The following FAAH2 variants were observed in gnomAD, a reference collection of about 807,000 sequenced individuals.
The protein encoded by FAAH2 is fatty-acid amide hydrolase 2.
Under a neutral mutation model 36.9 loss-of-function variants are expected in FAAH2, and 60 were observed. The ratio of observed to expected loss-of-function variants is 1.63; its 90% confidence interval spans 1.32 to 2.02. The LOEUF (loss-of-function observed/expected upper bound fraction) is 2.02. Among genes scored for constraint, FAAH2 ranks in the 30% most tolerant of loss-of-function variants. FAAH2 has a pLI of 0.00. For missense variants in FAAH2, 689 were observed against 397.5 expected (o/e 1.73, Z -6.23); for synonymous variants, 214 against 143.8 (o/e 1.49, Z -3.49).
chrX:57,304,783 TA>T (rs1464226882), intron 2 of FAAH2, among the ~76,000 whole-genome samples: 1 of 111,796 alleles, frequency 8.9e-6, no homozygotes, highest in African/African-American at 3.2e-5. Flanking sequence ...AACCTCTCTT[TA>T]TCTCAGTTTC....
intron 5 of FAAH2, among the ~76,000 whole-genome samples, chrX:57,353,628 C>G (rs2054087362): frequency 1.8e-5 from 2 of 110,024 alleles, no homozygotes; most frequent in South Asian, 3.8e-4. Flanking sequence ...AAATTTAAAA[C>G]CTTTTGCCTA....
At chrX:57,418,709 G>GTA (rs35893249) in intron 7 of FAAH2, among the ~76,000 whole-genome samples, 125 of 105,301 alleles carry the variant, frequency 1.2e-3, no homozygotes, top group African/African-American at 4.0e-3. Context: ...TTCTTTCAAA[G>GTA]TATATATATA....
the FAAH2 span, among the ~76,000 whole-genome samples, chrX:57,224,352 TC>T: frequency 8.9e-6 from 1 of 111,877 alleles, no homozygotes; most frequent in Non-Finnish European, 1.9e-5. Flanking sequence ...ATTTTCTTTT[TC>T]CAAGATGTCC....
At chrX:57,428,377 G>A (rs1043862271) in intron 7 of FAAH2, among the ~76,000 whole-genome samples, 1 of 65,282 alleles carries the variant, frequency 1.5e-5, no homozygotes, top group Non-Finnish European at 4.5e-5. Flanking sequence ...ATTTTGCACA[G>A]AATTAGAAAA....
At chrX:57,301,779 A>C (rs1251025234) in intron 2 of FAAH2, among the ~76,000 whole-genome samples, 1 of 110,990 alleles carries the variant, frequency 9.0e-6, no homozygotes, top group Non-Finnish European at 1.9e-5. Flanking sequence ...CACCCACCAG[A>C]CTCTGAGTTC....
chrX:57,281,879 T>C (rs2051758105), upstream of FAAH2, among the ~76,000 whole-genome samples: 1 of 112,093 alleles, frequency 8.9e-6, no homozygotes, highest in Non-Finnish European at 1.9e-5. Context: ...TCCATCCATG[T>C]TTCTCCAAAG....
In FAAH2 at chrX:57,301,079, A is replaced by ATCTAG. The variant is rs1258473887; in HGVS notation, c.275+8499_275+8500insTCTAG. On this transcript the variant is annotated intron_variant, in intron 2 of 10. Transcript: ENST00000374900. ...TGATTCCTCAGGGATCTAGAACTAG[A>ATCTAG]AATACCATTTGATCCAGCCATCCCA... Among the ~76,000 whole-genome samples the ATCTAG allele has an allele frequency of 2.7e-5, 3 of 109,300 alleles. No individual in the cohort carries two copies. In the Admixed American group the frequency reaches 2.9e-4, roughly 11 times the overall value. The allele number at this position is 109,300 out of a possible 115,157, so 94.9% of individuals were successfully genotyped here.
intron 7 of FAAH2, among the ~76,000 whole-genome samples, chrX:57,426,511 G>A (rs947972138): frequency 5.4e-5 from 6 of 111,360 alleles, no homozygotes; most frequent in South Asian, 3.7e-4. Context: ...CACAAAACAA[G>A]CCTCAATAAG....
At chrX:57,219,260 G>T in the FAAH2 span, among the ~76,000 whole-genome samples, 6 of 111,412 alleles carry the variant, frequency 5.4e-5, no homozygotes, top group East Asian at 2.8e-4. Flanking sequence ...ACAGCATGTT[G>T]CTCCACACTG....
At chrX:57,154,253 C>A in the FAAH2 span, among the ~76,000 whole-genome samples, 1 of 107,813 alleles carries the variant, frequency 9.3e-6, no homozygotes, top group East Asian at 2.9e-4. Context: ...GATTTCTCCC[C>A]TCATATGTTG....
intron 7 of FAAH2, among the ~76,000 whole-genome samples, chrX:57,431,569 A>G (rs886613384): frequency 4.5e-5 from 5 of 110,669 alleles, no homozygotes; most frequent in African/African-American, 9.8e-5. Flanking sequence ...TTTCATTCCA[A>G]TGGAGGAACC....
Position 57,292,505 on chromosome X carries a change from G to A in FAAH2, c.200G>A (p.Cys67Tyr). ...AAGTATTGTATTTTGCAGGTGAAAT[G>A]TATAGATGTTGTTCAGGCTTATATC... ...AKLIRQRKVK[C>Y]IDVVQAYINR... The change falls in exon 2 of 11, where the codon TGT becomes TAT. Residue 67 changes from cysteine (C) to tyrosine (Y), a missense_variant. Cys to Tyr is a radical substitution (Grantham distance 194). Transcript: ENST00000374900. The A allele has an allele frequency of 8.3e-7, 1 of 1,207,509 alleles. No individual in the cohort carries two copies.
intron 8 of FAAH2, among the ~76,000 whole-genome samples, chrX:57,441,250 G>T (rs2056547579): frequency 9.1e-6 from 1 of 110,141 alleles, no homozygotes; most frequent in Non-Finnish European, 1.9e-5. Context: ...TTTTTTTGTT[G>T]GTAGGCTAAT....
chrX:57,383,924 T>C (rs946460788), intron 7 of FAAH2, among the ~76,000 whole-genome samples: 25 of 111,621 alleles, frequency 2.2e-4, no homozygotes, highest in African/African-American at 7.5e-4. Flanking sequence ...CTTCAAACTA[T>C]ACTGGAAGAC....
chrX:57,363,534 C>A (rs1439815358), intron 5 of FAAH2, among the ~76,000 whole-genome samples: 1 of 111,117 alleles, frequency 9.0e-6, no homozygotes, highest in Non-Finnish European at 1.9e-5. Context: ...GACTTCCTTT[C>A]TTTTATTTGG....
intron 4 of FAAH2, among the ~76,000 whole-genome samples, chrX:57,336,021 G>C (rs1279678172): frequency 1.8e-5 from 2 of 111,485 alleles, no homozygotes; most frequent in African/African-American, 3.3e-5. Flanking sequence ...ATCATCTCAA[G>C]GCAGAAGAAT....
chrX:57,485,299 G>A (rs1189427723), intron 10 of FAAH2, among the ~76,000 whole-genome samples: 2 of 111,500 alleles, frequency 1.8e-5, no homozygotes, highest in Non-Finnish European at 3.8e-5. Flanking sequence ...CTGCAAAATG[G>A]TTGGCAGCAA....
chrX:57,253,579 A>G, the FAAH2 span, among the ~76,000 whole-genome samples: 1 of 112,082 alleles, frequency 8.9e-6, no homozygotes, highest in Non-Finnish European at 1.9e-5. Flanking sequence ...TCTTGGCAGA[A>G]ACCCTAAAAG....
intron 2 of FAAH2, among the ~76,000 whole-genome samples, chrX:57,293,664 A>G (rs779472731): frequency 8.9e-6 from 1 of 111,982 alleles, no homozygotes; most frequent in East Asian, 2.8e-4. Context: ...GAGAGATTCT[A>G]TTATTTAAAT....
Sources: allele counts gnomAD v4.1 joint callset (sites outside exome capture counted in the v4.1 genomes callset), GRCh38; gene constraint gnomAD v4.1.1; transcripts MANE v1.5; gene names NCBI Gene and HGNC (gene_info 2026-07-23, HGNC 2026-07-21).